The following LOC128125822 variants were observed in gnomAD, a reference collection of about 807,000 sequenced individuals.
At chr6:63,580,033 A>ATTTTTTTTTT in the LOC128125822 span, 1 of 1,385,474 alleles carries the variant, frequency 7.2e-7, no homozygotes. Flanking sequence ...GCCTTGTTTC[A>ATTTTTTTTTT]TTTTTTTTTT....
chr6:63,577,075 A>G, the LOC128125822 span: 1 of 921,676 alleles, frequency 1.1e-6, no homozygotes, highest in South Asian at 1.6e-5. Flanking sequence ...TTTGGAAAAA[A>G]TGAGATGATA....
the LOC128125822 span, among the ~76,000 whole-genome samples, chr6:63,575,177 GAATTTT>G: frequency 3.9e-5 from 6 of 152,170 alleles, no homozygotes; most frequent in African/African-American, 1.2e-4. Flanking sequence ...CAGATCGTTT[GAATTTT>G]AATTTTAAGA....
the LOC128125822 span, among the ~76,000 whole-genome samples, chr6:63,578,144 T>C: frequency 6.6e-6 from 1 of 152,166 alleles, no homozygotes; most frequent in South Asian, 2.1e-4. Flanking sequence ...TTACCATGAC[T>C]GTAAACAACT....
At chr6:63,575,431 A>G in the LOC128125822 span, among the ~76,000 whole-genome samples, 3 of 152,226 alleles carry the variant, frequency 2.0e-5, no homozygotes, top group Admixed American at 6.5e-5. Context: ...TTTTAAAAAT[A>G]TGCTGTGACT....
At chr6:63,572,590 G>GCCGCCA in the LOC128125822 span, 1 of 415,940 alleles carries the variant, frequency 2.4e-6, no homozygotes, top group Non-Finnish European at 4.2e-6. Flanking sequence ...CGCCTGCATC[G>GCCGCCA]CCGCCACCGC....
the LOC128125822 span, chr6:63,573,466 G>T: frequency 2.6e-5 from 4 of 152,176 alleles, no homozygotes. Context: ...GCGCCTGACT[G>T]AAGGCGCGGC....
At chr6:63,581,804 TTAA>T in the LOC128125822 span, 1 of 152,186 alleles carries the variant, frequency 6.6e-6, no homozygotes, top group Non-Finnish European at 1.5e-5. Flanking sequence ...CCTTTGCAAA[TTAA>T]TAATTACATA....
the LOC128125822 span, chr6:63,577,115 T>C: frequency 1.5e-6 from 1 of 688,186 alleles, no homozygotes; most frequent in Admixed American, 2.9e-5. Flanking sequence ...CAGAAATAAA[T>C]GTCAATGTCT....
the LOC128125822 span, among the ~76,000 whole-genome samples, chr6:63,574,945 T>C: frequency 6.6e-6 from 1 of 152,252 alleles, no homozygotes. Flanking sequence ...CTCTGAGGGC[T>C]TGTTTGAACA....
At chr6:63,580,813 C>T in the LOC128125822 span, 3 of 152,176 alleles carry the variant, frequency 2.0e-5, no homozygotes, top group African/African-American at 7.3e-5. Context: ...AAAAAACCTC[C>T]ATTTTGAAAA....
chr6:63,573,212 G>C, the LOC128125822 span: 1 of 153,140 alleles, frequency 6.5e-6, no homozygotes, highest in South Asian at 2.1e-4. Context: ...GACGTGGCCC[G>C]GGGTGGGGCG....
chr6:63,572,960 C>G, the LOC128125822 span, among the ~76,000 whole-genome samples: 1 of 152,086 alleles, frequency 6.6e-6, no homozygotes, highest in African/African-American at 2.4e-5. Flanking sequence ...GCCGGAGGCA[C>G]CGGCTTTTGA....
At chr6:63,573,874 G>A in the LOC128125822 span, among the ~76,000 whole-genome samples, 1 of 152,162 alleles carries the variant, frequency 6.6e-6, no homozygotes, top group Non-Finnish European at 1.5e-5. Flanking sequence ...GAAGGGCCCT[G>A]GATGGCGCCT....
chr6:63,582,056 CACTT>C, the LOC128125822 span: 1 of 152,098 alleles, frequency 6.6e-6, no homozygotes, highest in Non-Finnish European at 1.5e-5. Context: ...ACCAGTTTAA[CACTT>C]AATATATTTC....
chr6:63,574,843 G>A, the LOC128125822 span, among the ~76,000 whole-genome samples: 13 of 152,176 alleles, frequency 8.5e-5, no homozygotes, highest in Admixed American at 5.9e-4. Context: ...ATTATTTTCA[G>A]ATTACTACAA....
At chr6:63,572,589 C>T in the LOC128125822 span, 2 of 416,264 alleles carry the variant, frequency 4.8e-6, no homozygotes, top group African/African-American at 2.0e-5. Context: ...CCGCCTGCAT[C>T]GCCGCCACCG....
At chr6:63,578,549 TA>T in the LOC128125822 span, 123 of 1,603,456 alleles carry the variant, frequency 7.7e-5, 1 homozygote, top group South Asian at 1.4e-3. Context: ...TAACAGTTCT[TA>T]TGGGTTTATG....
the LOC128125822 span, among the ~76,000 whole-genome samples, chr6:63,575,128 A>G: frequency 3.3e-5 from 5 of 152,246 alleles, no homozygotes; most frequent in African/African-American, 1.2e-4. Flanking sequence ...AACTATAACT[A>G]GCATGGGACT....
At chr6:63,576,319 G>A in the LOC128125822 span, 2 of 389,380 alleles carry the variant, frequency 5.1e-6, no homozygotes, top group Non-Finnish European at 9.1e-6. Flanking sequence ...TCGATGAAGC[G>A]GCTCAGGCCC....
Sources: gnomAD v4.1 joint callset for allele counts (sites outside exome capture counted in the v4.1 genomes callset) on GRCh38, gnomAD v4.1.1 for gene constraint, MANE v1.5 for transcripts.